Variants in CTNNA3 observed in about 807,000 individuals in gnomAD.
CTNNA3 encodes catenin alpha 3, also known as catenin alpha-3.
In CTNNA3, 76 loss-of-function variants were observed where a neutral mutation model predicts 95.7. The observed-to-expected ratio is 0.79, with a 90% confidence interval of 0.66 to 0.96. CTNNA3 has a LOEUF of 0.96. CTNNA3 is among the 40% of genes least tolerant of loss of function. CTNNA3 has a pLI of 0.00. For missense variants in CTNNA3, 1,191 were observed against 1,089.8 expected (o/e 1.09, Z -1.31); for synonymous variants, 431 against 374.4 (o/e 1.15, Z -1.74).
intron 7 of CTNNA3, among the ~76,000 whole-genome samples, chr10:66,944,422 A>G (rs1326605791): frequency 6.6e-6 from 1 of 152,126 alleles, no homozygotes; most frequent in Admixed American, 6.5e-5. Context: ...CCACATCTTC[A>G]GTTACTTCCT....
At chr10:66,749,540 T>A (rs1227253215) in intron 9 of CTNNA3, among the ~76,000 whole-genome samples, 2 of 152,206 alleles carry the variant, frequency 1.3e-5, no homozygotes, top group Admixed American at 6.5e-5. Context: ...CATGGCTTGG[T>A]AGCTCATTTT....
rs1265649784 is a variant in CTNNA3, at chr10:66,492,645, A to G, written c.1531+27972T>C. 1.3e-5 allele frequency among the ~76,000 whole-genome samples: 2 copies of G among 152,050 alleles called. 1 individual carries two copies. Among genetic ancestry groups the G allele is most frequent in the East Asian group, 3.9e-4 (2 of 5,184 alleles). On this transcript the variant is annotated intron_variant, in intron 11 of 17. Coordinates refer to ENST00000433211, the MANE Select transcript of CTNNA3 (RefSeq NM_013266.4). ...TGGATTTTCCTTTCATTTCTCCAGC[A>G]CCATTGTTATTCCCTGTGGTTCTGC... is the stretch of plus-strand genomic sequence containing the variant.
At chr10:66,465,014 G>A (rs1206734185) in intron 11 of CTNNA3, among the ~76,000 whole-genome samples, 1 of 152,136 alleles carries the variant, frequency 6.6e-6, no homozygotes, top group African/African-American at 2.4e-5. Flanking sequence ...GAGAGTAAAT[G>A]AAATAGGGTG....
intron 13 of CTNNA3, among the ~76,000 whole-genome samples, chr10:66,116,222 C>T (rs1361672612): frequency 6.6e-6 from 1 of 152,178 alleles, no homozygotes; most frequent in Admixed American, 6.5e-5. Context: ...ATGCATTGTG[C>T]TGTTTCTACA....
intron 9 of CTNNA3, among the ~76,000 whole-genome samples, chr10:66,668,890 A>C (rs1376502859): frequency 6.6e-6 from 1 of 152,094 alleles, no homozygotes; most frequent in East Asian, 1.9e-4. Flanking sequence ...CCCAAATTAG[A>C]CATTTTGACT....
intron 13 of CTNNA3, among the ~76,000 whole-genome samples, chr10:66,208,018 A>C (rs2087877678): frequency 6.6e-6 from 1 of 152,150 alleles, no homozygotes; most frequent in South Asian, 2.1e-4. Flanking sequence ...CTCTGTCAGC[A>C]TCAGTGAACT....
chr10:66,560,856 T>C (rs66517615), intron 10 of CTNNA3, among the ~76,000 whole-genome samples: 7,162 of 151,960 alleles, frequency 0.047, 490 homozygotes, highest in East Asian at 0.33. Flanking sequence ...TCTCTCTCCC[T>C]CTCTCTCTGA....
intron 12 of CTNNA3, among the ~76,000 whole-genome samples, chr10:66,316,135 C>T (rs1344901490): frequency 6.6e-6 from 1 of 152,038 alleles, no homozygotes; most frequent in Non-Finnish European, 1.5e-5. Context: ...GTGAGCTATA[C>T]TTACCATTAA....
At chr10:67,745,409 AC>A (rs1841369054) in intron 1 of CTNNA3, among the ~76,000 whole-genome samples, 1 of 151,792 alleles carries the variant, frequency 6.6e-6, no homozygotes, top group Admixed American at 6.6e-5. Context: ...TATGGCAAGG[AC>A]AAAAAACCAA....
intron 11 of CTNNA3, among the ~76,000 whole-genome samples, chr10:66,518,173 C>T (rs1840929891): frequency 6.6e-6 from 1 of 152,022 alleles, no homozygotes; most frequent in Non-Finnish European, 1.5e-5. Flanking sequence ...TTAAGTTGTC[C>T]ATGAAAAGAA....
intron 17 of CTNNA3, among the ~76,000 whole-genome samples, chr10:65,939,816 C>T (rs1372180680): frequency 6.6e-6 from 1 of 151,976 alleles, no homozygotes; most frequent in East Asian, 1.9e-4. Flanking sequence ...TTACTTTTGG[C>T]ATTAGCAAGA....
At position 66,505,427 on chromosome 10, in the gene CTNNA3, T is replaced by C. The variant is rs16923199; in HGVS notation, c.1531+15190A>G. ...TCTCTTCAGTCTCCACAATGATCCCTGAACAATATACTGTAACATGAAAAT... is the reference window on the plus strand; with the variant it reads ...TCTCTTCAGTCTCCACAATGATCCCCGAACAATATACTGTAACATGAAAAT... On this transcript the variant is annotated intron_variant, in intron 11 of 17. Coordinates refer to ENST00000433211, the MANE Select transcript of CTNNA3 (RefSeq NM_013266.4). 9.2e-5 allele frequency among the ~76,000 whole-genome samples: 14 copies of C among 152,284 alleles called. No individual in the cohort carries two copies. The East Asian group carries it at 2.7e-3, about 29-fold the overall frequency.
intron 17 of CTNNA3, among the ~76,000 whole-genome samples, chr10:65,942,760 G>A (rs951274830): frequency 1.3e-5 from 2 of 152,008 alleles, no homozygotes; most frequent in Non-Finnish European, 1.5e-5. Context: ...GAATCTTTAC[G>A]TTTGTGAGAC....
intron 7 of CTNNA3, among the ~76,000 whole-genome samples, chr10:66,808,179 G>A (rs1375442299): frequency 1.3e-5 from 2 of 152,114 alleles, no homozygotes; most frequent in African/African-American, 2.4e-5. Context: ...TGGTTAAGCA[G>A]TGTGCTGTGA....
intron 7 of CTNNA3, among the ~76,000 whole-genome samples, chr10:66,976,567 A>G (rs1850043427): frequency 6.6e-6 from 1 of 152,186 alleles, no homozygotes; most frequent in Non-Finnish European, 1.5e-5. Context: ...CTTCCTAAAA[A>G]TCTACAGTGA....
chr10:66,319,070 A>G (rs2092146826), intron 12 of CTNNA3, among the ~76,000 whole-genome samples: 1 of 152,096 alleles, frequency 6.6e-6, no homozygotes, highest in African/African-American at 2.4e-5. Context: ...TTGAATATAA[A>G]TCCACTTTTA....
intron 1 of CTNNA3, among the ~76,000 whole-genome samples, chr10:67,727,304 TTA>T (rs1440738200): frequency 3.0e-5 from 4 of 133,030 alleles, no homozygotes; most frequent in South Asian, 2.2e-4. Context: ...TTTATATATA[TTA>T]TATATGATAT....
At chr10:67,512,007 T>C (rs1049499423) in intron 5 of CTNNA3, among the ~76,000 whole-genome samples, 4 of 152,232 alleles carry the variant, frequency 2.6e-5, no homozygotes, top group African/African-American at 9.6e-5. Flanking sequence ...TATTCTCTGA[T>C]GGTAGTTTTT....
At chr10:66,412,330 T>G (rs1341675956) in intron 11 of CTNNA3, among the ~76,000 whole-genome samples, 1 of 151,784 alleles carries the variant, frequency 6.6e-6, no homozygotes, top group African/African-American at 2.4e-5. Flanking sequence ...AAGAAAAAGA[T>G]CATTAAAAAT....
Sources: gnomAD v4.1 joint callset for allele counts (sites outside exome capture counted in the v4.1 genomes callset) on GRCh38, gnomAD v4.1.1 for gene constraint, MANE v1.5 for transcripts, NCBI Gene and HGNC (gene_info 2026-07-23, HGNC 2026-07-21) for gene names.